TBC1D15: variants seen among roughly 807,000 people sequenced by gnomAD.
TBC1D15 encodes TBC1 domain family member 15.
TBC1D15 carries 39 observed loss-of-function variants against 95.4 expected under a neutral mutation model. The observed-to-expected ratio is 0.41, with a 90% CI of 0.32 to 0.53. The LOEUF (loss-of-function observed/expected upper bound fraction) is 0.53. Ranked by LOEUF, TBC1D15 falls within the 20% of genes least tolerant of loss-of-function variation. TBC1D15 has a pLI of 0.29. For synonymous variants in TBC1D15, 258 were observed against 261.3 expected (o/e 0.99, Z 0.12); for missense variants, 733 against 794.3 (o/e 0.92, Z 0.93).
At chr12:71,889,331 G>A (rs531056621) in intron 5 of TBC1D15, among the ~76,000 whole-genome samples, 1 of 152,236 alleles carries the variant, frequency 6.6e-6, no homozygotes, top group African/African-American at 2.4e-5. Context: ...TGTGACACTG[G>A]GAGGGCAATT....
rs1870249981 is a variant in TBC1D15, at chr12:71,923,664, T to A, written c.*460T>A. The A allele has an allele frequency of 6.4e-6, 1 of 156,996 alleles. No homozygotes were observed. The highest frequency in any genetic ancestry group is 6.3e-5 in the Admixed American group (1 of 15,978). The allele number at this position is 156,996 out of a possible 1,614,324, so 9.7% of individuals were successfully genotyped here. A position where few individuals can be genotyped will look rare whatever the true frequency, so the allele number is the denominator to read the frequency against. On this transcript the variant is annotated 3_prime_UTR_variant, in exon 17 of 17. Transcript: ENST00000485960. Reference sequence around the variant, plus strand: ...TAAAAGGATTTTTTTCTCTATTGTTTACGACAGTACTCAGCTTAAATATTT... The same window carrying A: ...TAAAAGGATTTTTTTCTCTATTGTTAACGACAGTACTCAGCTTAAATATTT...
At chr12:71,919,923 A>G (rs1426798210) in intron 14 of TBC1D15, among the ~76,000 whole-genome samples, 1 of 152,210 alleles carries the variant, frequency 6.6e-6, no homozygotes, top group Non-Finnish European at 1.5e-5. Flanking sequence ...TCAAACTTTT[A>G]ATGAAACCTT....
intron 1 of TBC1D15, among the ~76,000 whole-genome samples, chr12:71,851,204 C>A (rs1008248652): frequency 4.6e-5 from 7 of 151,910 alleles, no homozygotes; most frequent in African/African-American, 1.7e-4. Flanking sequence ...GGGGGAGGTG[C>A]TACACACTTT....
intron 1 of TBC1D15, among the ~76,000 whole-genome samples, chr12:71,870,181 C>T (rs1192714240): frequency 6.6e-6 from 1 of 152,088 alleles, no homozygotes; most frequent in Non-Finnish European, 1.5e-5. Flanking sequence ...AATGGATATC[C>T]CAGGATATAT....
chr12:71,909,137 G>C (rs1164299628), intron 11 of TBC1D15, among the ~76,000 whole-genome samples: 1 of 152,166 alleles, frequency 6.6e-6, no homozygotes, highest in Non-Finnish European at 1.5e-5. Context: ...ATCTCCATTT[G>C]TTTATACTAA....
At chr12:71,864,734 T>C (rs1021146288) in intron 1 of TBC1D15, among the ~76,000 whole-genome samples, 1 of 152,088 alleles carries the variant, frequency 6.6e-6, no homozygotes, top group South Asian at 2.1e-4. Flanking sequence ...CTTGAACTCC[T>C]GACCTTGTGA....
intron 1 of TBC1D15, among the ~76,000 whole-genome samples, chr12:71,868,300 C>T (rs1035920587): frequency 1.4e-5 from 2 of 145,504 alleles, no homozygotes; most frequent in Non-Finnish European, 3.0e-5. Flanking sequence ...GGCTTGAGTG[C>T]GGTAGCACGA....
At chr12:71,873,215 A>G (rs1451192019) in intron 3 of TBC1D15, among the ~76,000 whole-genome samples, 1 of 152,090 alleles carries the variant, frequency 6.6e-6, no homozygotes, top group Admixed American at 6.6e-5. Context: ...TTAACCCCTC[A>G]TTTCACCTAC....
intron 6 of TBC1D15, 106 bp from the exon 7 acceptor site, chr12:71,894,580 C>A: frequency 8.7e-7 from 1 of 1,149,018 alleles, no homozygotes; most frequent in African/African-American, 1.6e-5. Context: ...CTGTTTTAGT[C>A]CTGATTTCTT....
chr12:71,877,840 C>T lies in TBC1D15; in HGVS notation c.205-2629C>T, dbSNP rs149246397. 5.4e-3 allele frequency among the ~76,000 whole-genome samples: 829 copies of T among 152,214 alleles called. 8 individuals carry two copies. Among genetic ancestry groups the T allele is most frequent in the African/African-American group, 0.019 (796 of 41,532 alleles). ...TTCCCTCTAGTGACCTTTTGCTCTG[C>T]CCCCACCTCATTTCATTTGAACTCT... On this transcript the variant is annotated intron_variant, in intron 3 of 16. Coordinates refer to ENST00000485960, the MANE Select transcript of TBC1D15 (RefSeq NM_001146213.3).
intron 1 of TBC1D15, among the ~76,000 whole-genome samples, chr12:71,866,334 T>C (rs1891500284): frequency 6.6e-6 from 1 of 152,220 alleles, no homozygotes; most frequent in South Asian, 2.1e-4. Context: ...CACAGCTATT[T>C]AGACTCGAGG....
rs1318773289 is a variant in TBC1D15, at chr12:71,894,495, G to A, written c.658-191G>A. 3 of 1,242,996 alleles carry A rather than the reference G, an allele frequency of 2.4e-6. No homozygotes were observed. The East Asian group carries it at 7.2e-5, about 30-fold the overall frequency. The allele number at this position is 1,242,996 out of a possible 1,614,324, so 77.0% of individuals were successfully genotyped here. ...ATTTATTATGCTATTTTAACCAAAT[G>A]AAATGATTGGCTTAGAAAATTTAAA... On this transcript the variant is annotated intron_variant, in intron 6 of 16. Transcript: ENST00000485960.
intron 5 of TBC1D15, among the ~76,000 whole-genome samples, chr12:71,887,756 A>C (rs1011860891): frequency 3.9e-5 from 6 of 152,200 alleles, no homozygotes; most frequent in Non-Finnish European, 8.8e-5. Context: ...AACAGCATAC[A>C]ATAATTTGGT....
In TBC1D15 at chr12:71,891,727, A is replaced by AT. The variant is rs149003183; in HGVS notation, c.555-1492dup. 6.9e-3 allele frequency among the ~76,000 whole-genome samples: 1,052 copies of AT among 152,242 alleles called. 5 individuals carry two copies. The highest frequency in any genetic ancestry group is 0.011 in the Non-Finnish European group (728 of 67,964). On this transcript the variant is annotated intron_variant, in intron 5 of 16. Transcript: ENST00000485960. ...TAGTTATGAGAAAAGAAAAGAAGGA[A>AT]TTTCTTTTTAAAAAATATTTGTGGT... is the stretch of plus-strand genomic sequence containing the variant.
At chr12:71,896,169 T>C in intron 8 of TBC1D15, 94 bp downstream of exon 8, 1 of 1,270,566 alleles carries the variant, frequency 7.9e-7, no homozygotes, top group Non-Finnish European at 1.1e-6. Flanking sequence ...TTTTTTTTTG[T>C]TGTTGGTTTT....
At chr12:71,906,944 C>T (rs1433935801) in intron 10 of TBC1D15, 78 bp from the exon 11 acceptor site, 10 of 796,588 alleles carry the variant, frequency 1.3e-5, no homozygotes, top group Non-Finnish European at 1.9e-5. Context: ...AAAAATGACT[C>T]TGTACTTGTA....
intron 1 of TBC1D15, among the ~76,000 whole-genome samples, chr12:71,843,246 C>T (rs981620744): frequency 9.2e-5 from 14 of 151,874 alleles, no homozygotes; most frequent in African/African-American, 3.1e-4. Context: ...TCAGACTGGG[C>T]GAAGGGCATA....
At chr12:71,859,868 C>T (rs557111114) in intron 1 of TBC1D15, among the ~76,000 whole-genome samples, 1 of 152,292 alleles carries the variant, frequency 6.6e-6, no homozygotes, top group East Asian at 1.9e-4. Flanking sequence ...GACTTGGCCT[C>T]CCAAAGTGCT....
chr12:71,921,750 A>C (rs1869438401), intron 16 of TBC1D15, among the ~76,000 whole-genome samples: 1 of 152,222 alleles, frequency 6.6e-6, no homozygotes. Flanking sequence ...GAGCTCATGA[A>C]TGCAGAATAG....
Sources: gnomAD v4.1 joint callset for allele counts (sites outside exome capture counted in the v4.1 genomes callset) on GRCh38, gnomAD v4.1.1 for gene constraint, MANE v1.5 for transcripts, NCBI Gene and HGNC (gene_info 2026-07-23, HGNC 2026-07-21) for gene names.